The following EHBP1 variants were observed in gnomAD, a reference collection of about 807,000 sequenced individuals.
The protein encoded by EHBP1 is EH domain binding protein 1.
Under a neutral mutation model 144.0 loss-of-function variants are expected in EHBP1, and 55 were observed. The ratio of observed to expected loss-of-function variants is 0.38; its 90% CI spans 0.31 to 0.48. The LOEUF is 0.48. Ranked by LOEUF, EHBP1 falls within the 20% of genes least tolerant of loss-of-function variation. The pLI is 0.98. For synonymous variants in EHBP1, 469 were observed against 472.7 expected, an observed-to-expected ratio of 0.99 and a Z score of 0.10; for missense variants, 1,200 against 1,364.2, an observed-to-expected ratio of 0.88 and a Z score of 1.90.
In EHBP1 at chr2:62,804,509, A is replaced by G. The variant is rs1353519467; in HGVS notation, c.313-21578A>G. Among the ~76,000 whole-genome samples the G allele has an allele frequency of 2.6e-5, 4 of 152,254 alleles. No individual in the cohort carries two copies. The East Asian group carries it at 7.7e-4, about 29-fold the overall frequency. On this transcript the variant is annotated intron_variant, in intron 5 of 22. Transcript: ENST00000431489. The stretch of plus-strand genomic sequence containing the variant: ...GAGAATAGAAGTGAATATTTATTAA[A>G]TCGGTGGGTAAAGAAAAAACAGTGG...
intron 10 of EHBP1, among the ~76,000 whole-genome samples, chr2:62,891,292 A>G (rs188121015): frequency 7.4e-4 from 112 of 152,284 alleles, no homozygotes; most frequent in Non-Finnish European, 4.4e-4. Context: ...TGACATGTTG[A>G]CAAAGAAGAT....
intron 1 of EHBP1, among the ~76,000 whole-genome samples, chr2:62,689,408 C>T (rs951534355): frequency 2.0e-5 from 3 of 152,178 alleles, no homozygotes; most frequent in African/African-American, 4.8e-5. Context: ...TTTGGGAGGC[C>T]GAAGTGGGCA....
intron 14 of EHBP1, among the ~76,000 whole-genome samples, chr2:62,974,373 A>G (rs1410828109): frequency 6.6e-6 from 1 of 152,214 alleles, no homozygotes; most frequent in Non-Finnish European, 1.5e-5. Context: ...AATGTTGATT[A>G]TAAGAGTAGT....
At chr2:62,779,459 G>A (rs898625845) in intron 5 of EHBP1, among the ~76,000 whole-genome samples, 10 of 152,100 alleles carry the variant, frequency 6.6e-5, no homozygotes, top group Non-Finnish European at 1.2e-4. Flanking sequence ...TTTCGTCAAG[G>A]AAGAAAGTGA....
chr2:62,774,378 A>C, intron 5 of EHBP1, among the ~76,000 whole-genome samples: 1 of 147,620 alleles, frequency 6.8e-6, no homozygotes, highest in Non-Finnish European at 1.5e-5. Context: ...CTCAAAAAGA[A>C]AAAAAAAAAA....
chr2:62,835,799 C>A (rs1358958989), intron 7 of EHBP1, among the ~76,000 whole-genome samples: 3 of 152,176 alleles, frequency 2.0e-5, no homozygotes, highest in Admixed American at 2.0e-4. Context: ...TAAAAAACGG[C>A]GCACCACGAG....
chr2:63,003,014 C>A (rs755235713), intron 19 of EHBP1, among the ~76,000 whole-genome samples: 5 of 151,966 alleles, frequency 3.3e-5, no homozygotes, highest in Non-Finnish European at 5.9e-5. Context: ...AAGTTGCATT[C>A]TGAACTTTAT....
intron 8 of EHBP1, among the ~76,000 whole-genome samples, chr2:62,861,308 T>C (rs1295729101): frequency 2.6e-5 from 4 of 151,654 alleles, no homozygotes; most frequent in Non-Finnish European, 4.4e-5. Context: ...TTTTGTATTT[T>C]TAGTAGAGAT....
intron 21 of EHBP1, among the ~76,000 whole-genome samples, chr2:63,043,684 G>A (rs2061775109): frequency 6.6e-6 from 1 of 151,962 alleles, no homozygotes; most frequent in Admixed American, 6.6e-5. Flanking sequence ...TGCTTTGGAG[G>A]GGGTCGGGGG....
In EHBP1 at chr2:62,979,231, G is replaced by A. The variant is rs773870111; in HGVS notation, c.2504G>A (p.Arg835His). 1.4e-5 allele frequency: 22 copies of A among 1,613,664 alleles called. No individual in the cohort carries two copies. The highest frequency in any genetic ancestry group is 1.2e-4 in the South Asian group (11 of 91,024). The change falls in exon 15 of 23, where the codon CGT becomes CAT. Residue 835 changes from arginine (R) to histidine (H), a missense_variant. This residue lies in a region of EHBP1 where 543 missense variants were observed against 513.1 expected (regional missense o/e 1.06). Coordinates refer to ENST00000431489, the MANE Select transcript of EHBP1 (RefSeq NM_001142616.3). Reference sequence around the variant, plus strand: ...CGTCGGCAGCTGAGAGAGAGAGCTCGTCAGCTAATAGCAGAAGCTCGATCT... The same window carrying A: ...CGTCGGCAGCTGAGAGAGAGAGCTCATCAGCTAATAGCAGAAGCTCGATCT... ...ERRRQLRERA[R>H]QLIAEARSGV...
chr2:62,892,619 A>G (rs1185171399), intron 10 of EHBP1, among the ~76,000 whole-genome samples: 1 of 152,080 alleles, frequency 6.6e-6, no homozygotes, highest in Non-Finnish European at 1.5e-5. Flanking sequence ...AATACTTTTA[A>G]TTCTACGTAG....
At chr2:62,720,012 A>G (rs889347986) in intron 2 of EHBP1, among the ~76,000 whole-genome samples, 2 of 152,220 alleles carry the variant, frequency 1.3e-5, no homozygotes, top group Non-Finnish European at 2.9e-5. Flanking sequence ...AAAAGCAGAC[A>G]TCACATGAAA....
chr2:62,834,473 A>G (rs138202829), intron 7 of EHBP1, among the ~76,000 whole-genome samples: 54 of 152,374 alleles, frequency 3.5e-4, no homozygotes, highest in Admixed American at 1.1e-3. Flanking sequence ...CACCAACACC[A>G]AAAAGATTAT....
rs376772898 is a variant in EHBP1, at chr2:62,757,694, A to T, written c.163-6572A>T. On this transcript the variant is annotated intron_variant, in intron 3 of 22. Coordinates refer to ENST00000431489, the MANE Select transcript of EHBP1 (RefSeq NM_001142616.3). ...AGTGATCCACCTGCCTTGGCCTTCC[A>T]AAGTGCTGGGATTACAGACATAAGC... Among the ~76,000 whole-genome samples the T allele has an allele frequency of 2.0e-5, 3 of 152,106 alleles. No homozygotes were observed. In the South Asian group the frequency reaches 6.2e-4, roughly 32 times the overall value.
intron 5 of EHBP1, among the ~76,000 whole-genome samples, chr2:62,794,298 A>C (rs2152464049): frequency 6.6e-6 from 1 of 152,226 alleles, no homozygotes; most frequent in Admixed American, 6.5e-5. Flanking sequence ...AAATCAAAAT[A>C]GGTGTTGTGA....
At chr2:63,030,025 C>T (rs1367161303) in intron 19 of EHBP1, among the ~76,000 whole-genome samples, 2 of 152,204 alleles carry the variant, frequency 1.3e-5, no homozygotes, top group Non-Finnish European at 2.9e-5. Context: ...GCCACCATGC[C>T]TGGCCAACAG....
At chr2:63,000,786 T>C (rs2059819285) in intron 19 of EHBP1, among the ~76,000 whole-genome samples, 1 of 152,128 alleles carries the variant, frequency 6.6e-6, no homozygotes, top group African/African-American at 2.4e-5. Flanking sequence ...CCTATGCAAA[T>C]ACAAGTGAAT....
chr2:62,708,969 T>G, intron 2 of EHBP1, among the ~76,000 whole-genome samples: 1 of 152,156 alleles, frequency 6.6e-6, no homozygotes, highest in Middle Eastern at 3.2e-3. Context: ...TTAAGTTATG[T>G]GCTGTTAATA....
intron 3 of EHBP1, among the ~76,000 whole-genome samples, chr2:62,753,592 A>T (rs560412265): frequency 6.6e-6 from 1 of 152,094 alleles, no homozygotes; most frequent in South Asian, 2.1e-4. Context: ...TATCCTGGAG[A>T]GTGTTTTCCA....
Sources: gnomAD v4.1 joint callset for allele counts (sites outside exome capture counted in the v4.1 genomes callset) on GRCh38, gnomAD v4.1.1 for gene constraint, gnomAD v4.1.1 regional missense constraint, MANE v1.5 for transcripts, NCBI Gene and HGNC (gene_info 2026-07-23, HGNC 2026-07-21) for gene names.